Variants in NAA11 observed in about 807,000 individuals in gnomAD.
NAA11 encodes the protein N-alpha-acetyltransferase 11, NatA catalytic subunit.
Under a neutral mutation model 16.1 loss-of-function variants are expected in NAA11, and 15 were observed. The ratio of observed to expected loss-of-function variants is 0.93; its 90% CI spans 0.62 to 1.44. The LOEUF (loss-of-function observed/expected upper bound fraction) is 1.44, where lower values mean the gene tolerates loss of function less well. Among genes scored for constraint, NAA11 ranks in the 40% most tolerant of loss-of-function variants. The pLI is 0.00. For missense variants in NAA11, 298 were observed against 291.3 expected, an observed-to-expected ratio of 1.02 and a Z score of -0.17; for synonymous variants, 122 against 112.4, an observed-to-expected ratio of 1.09 and a Z score of -0.54.
chr4:79,264,899 T>C (rs1383920019), intron 2 of NAA11, among the ~76,000 whole-genome samples: 2 of 152,210 alleles, frequency 1.3e-5, no homozygotes. Context: ...TCTTTATTAT[T>C]GCTAGATCCC....
At chr4:79,278,252 C>G (rs1403937397) in intron 2 of NAA11, among the ~76,000 whole-genome samples, 4 of 152,122 alleles carry the variant, frequency 2.6e-5, no homozygotes, top group African/African-American at 9.7e-5. Flanking sequence ...CTTGTCCCCT[C>G]AAATTCATCT....
intron 2 of NAA11, among the ~76,000 whole-genome samples, chr4:79,285,716 A>G (rs1307580205): frequency 2.6e-5 from 4 of 152,048 alleles, no homozygotes; most frequent in Non-Finnish European, 4.4e-5. Context: ...TAAATGATCA[A>G]ATTTACGGTG....
At position 79,264,307 on chromosome 4, in the gene NAA11, C is replaced by T. The variant is rs145610352; in HGVS notation, c.*122+29698G>A. 5.3e-5 allele frequency among the ~76,000 whole-genome samples: 8 copies of T among 152,292 alleles called. No individual in the cohort carries two copies. The East Asian group carries it at 1.5e-3, about 29-fold the overall frequency. ...TTCTATTCCTTTTGAGGACTTCTCT[C>T]CTACAATGACTTCGTCTCTTGTAAC... On this transcript the variant is annotated intron_variant and NMD_transcript_variant, in intron 2 of 2. Coordinates refer to the NAA11 transcript ENST00000511542.
chr4:79,237,845 T>C (rs1185210327), intron 2 of NAA11, among the ~76,000 whole-genome samples: 1 of 152,244 alleles, frequency 6.6e-6, no homozygotes, highest in Non-Finnish European at 1.5e-5. Context: ...ATCCCGTAAT[T>C]TGTATTATTC....
chr4:79,275,215 C>T (rs927549908), intron 2 of NAA11, among the ~76,000 whole-genome samples: 35 of 152,126 alleles, frequency 2.3e-4, no homozygotes, highest in Non-Finnish European at 4.4e-4. Context: ...TTATCCAGTA[C>T]ACACACACAT....
intron 1 of NAA11, among the ~76,000 whole-genome samples, chr4:79,305,425 G>A (rs1309031073): frequency 6.6e-6 from 1 of 152,198 alleles, no homozygotes; most frequent in East Asian, 1.9e-4. Flanking sequence ...CTGAGATCTA[G>A]AAGTTTTATG....
the NAA11 span, among the ~76,000 whole-genome samples, chr4:79,163,595 C>T: frequency 6.6e-5 from 10 of 152,134 alleles, no homozygotes; most frequent in African/African-American, 2.4e-4. Flanking sequence ...CTGACTGACA[C>T]AAGGTTTGTT....
chr4:79,256,767 C>T (rs1157593299), intron 2 of NAA11, among the ~76,000 whole-genome samples: 1 of 151,076 alleles, frequency 6.6e-6, no homozygotes, highest in Admixed American at 6.6e-5. Context: ...ATTCTTATGC[C>T]TCAGCCTCCT....
chr4:79,301,429 T>C (rs1723378904), intron 1 of NAA11, among the ~76,000 whole-genome samples: 1 of 152,242 alleles, frequency 6.6e-6, no homozygotes, highest in Non-Finnish European at 1.5e-5. Context: ...ACACTTAGCA[T>C]TTACCTCATG....
intron 1 of NAA11, among the ~76,000 whole-genome samples, chr4:79,318,370 T>C (rs969040201): frequency 3.9e-5 from 6 of 152,168 alleles, no homozygotes; most frequent in Non-Finnish European, 8.8e-5. Flanking sequence ...AGTAGGTAAT[T>C]ATATCAGGTA....
At chr4:79,228,886 C>T (rs1020832893) in intron 2 of NAA11, among the ~76,000 whole-genome samples, 1 of 151,898 alleles carries the variant, frequency 6.6e-6, no homozygotes, top group African/African-American at 2.4e-5. Context: ...GAAAAACGAC[C>T]AAACTGTTTT....
intron 2 of NAA11, among the ~76,000 whole-genome samples, chr4:79,248,612 G>A (rs1721901843): frequency 6.6e-6 from 1 of 151,992 alleles, no homozygotes; most frequent in African/African-American, 2.4e-5. Flanking sequence ...TGATACCACC[G>A]GCACAAACCT....
At chr4:79,223,716 A>T (rs1478166164), downstream of NAA11, among the ~76,000 whole-genome samples, 1 of 151,404 alleles carries the variant, frequency 6.6e-6, no homozygotes, top group Non-Finnish European at 1.5e-5. Context: ...CCTAGGAGGT[A>T]TAGCCAGAGT....
chr4:79,251,371 G>C (rs1312071337), intron 2 of NAA11, among the ~76,000 whole-genome samples: 1 of 152,152 alleles, frequency 6.6e-6, no homozygotes, highest in Non-Finnish European at 1.5e-5. Flanking sequence ...AACTAACACA[G>C]GAACAGAAAA....
At position 79,309,226 on chromosome 4, in the gene NAA11, T is replaced by G. The variant is rs554481530; in HGVS notation, c.*13-15112A>C. ...GTCATTAATGCTGGTCAAGATGATTTCTTGGAGATTATTGCTCATTTATTT... is the reference window on the plus strand; with the variant it reads ...GTCATTAATGCTGGTCAAGATGATTGCTTGGAGATTATTGCTCATTTATTT... On this transcript the variant is annotated intron_variant and NMD_transcript_variant, in intron 1 of 2. Transcript: ENST00000511542. 3.3e-5 allele frequency among the ~76,000 whole-genome samples: 5 copies of G among 152,330 alleles called. No homozygotes were observed. The East Asian group carries it at 9.6e-4, about 29-fold the overall frequency.
At chr4:79,314,787 T>G (rs1723879713), downstream of NAA11, among the ~76,000 whole-genome samples, 1 of 152,104 alleles carries the variant, frequency 6.6e-6, no homozygotes, top group African/African-American at 2.4e-5. Context: ...GTGAAACTTT[T>G]AAAAACCTCA....
chr4:79,226,912 A>G (rs1401449465), intron 2 of NAA11, among the ~76,000 whole-genome samples: 2 of 152,116 alleles, frequency 1.3e-5, no homozygotes. Context: ...TCTTTATAGC[A>G]GCATGATTTA....
At chr4:79,207,873 G>T in the NAA11 span, among the ~76,000 whole-genome samples, 2 of 152,032 alleles carry the variant, frequency 1.3e-5, no homozygotes, top group African/African-American at 4.8e-5. Context: ...CTTCTATGGG[G>T]TGGATGATAT....
chr4:79,251,089 C>G (rs1721982384), intron 2 of NAA11, among the ~76,000 whole-genome samples: 1 of 152,188 alleles, frequency 6.6e-6, no homozygotes, highest in Non-Finnish European at 1.5e-5. Flanking sequence ...GAACTGAAAA[C>G]AGAGATACCA....
Sources: gnomAD v4.1 joint callset for allele counts (sites outside exome capture counted in the v4.1 genomes callset) on GRCh38, gnomAD v4.1.1 for gene constraint, MANE v1.5 for transcripts, NCBI Gene and HGNC (gene_info 2026-07-23, HGNC 2026-07-21) for gene names.